The following DOCK2 variants were observed in gnomAD, a reference collection of about 807,000 sequenced individuals.
DOCK2 encodes the protein dedicator of cytokinesis protein 2.
A neutral mutation model predicts 248.9 loss-of-function variants in DOCK2; 87 were observed. The ratio of observed to expected loss-of-function variants is 0.35; its 90% confidence interval spans 0.29 to 0.42. The LOEUF (loss-of-function observed/expected upper bound fraction) is 0.42, where lower values mean the gene tolerates loss of function less well. DOCK2 is among the 10% of genes least tolerant of loss of function. The probability of loss-of-function intolerance (pLI) is 1.00; values close to 1 mark genes in which losing one functional copy is unlikely to be tolerated. For missense variants in DOCK2, 1,747 were observed against 2,300.2 expected (o/e 0.76, Z 4.92); for synonymous variants, 805 against 821.6 (o/e 0.98, Z 0.35).
At chr5:169,651,833 G>A (rs539987210) in intron 1 of DOCK2, among the ~76,000 whole-genome samples, 1 of 152,330 alleles carries the variant, frequency 6.6e-6, no homozygotes, top group South Asian at 2.1e-4. Flanking sequence ...CTCTAGATTT[G>A]CTTTTGGACA....
intron 36 of DOCK2, among the ~76,000 whole-genome samples, chr5:170,038,723 T>C (rs1756406171): frequency 6.6e-6 from 1 of 152,184 alleles, no homozygotes; most frequent in Non-Finnish European, 1.5e-5. Flanking sequence ...GAGGGACGTC[T>C]TCTTTTTACT....
intron 22 of DOCK2, among the ~76,000 whole-genome samples, chr5:169,731,437 C>T (rs1307761175): frequency 1.3e-5 from 2 of 152,148 alleles, no homozygotes; most frequent in Admixed American, 6.5e-5. Flanking sequence ...CCGTGTAAAA[C>T]GTGAGTTGCT....
chr5:169,850,638 G>C (rs1397396847), intron 27 of DOCK2, among the ~76,000 whole-genome samples: 2 of 152,152 alleles, frequency 1.3e-5, no homozygotes, highest in African/African-American at 4.8e-5. Context: ...AGCTTAATAT[G>C]GTAATATGGA....
At chr5:170,041,222 G>GA (rs562344080) in intron 37 of DOCK2, 77 bp downstream of exon 37, 70 of 1,282,356 alleles carry the variant, frequency 5.5e-5, no homozygotes, top group Middle Eastern at 1.9e-4. Context: ...AGTGAAAAAA[G>GA]AAAAAAAAGA....
intron 27 of DOCK2, among the ~76,000 whole-genome samples, chr5:169,892,892 C>T (rs1466135223): frequency 6.6e-6 from 1 of 151,922 alleles, no homozygotes; most frequent in Non-Finnish European, 1.5e-5. Flanking sequence ...GTCTTCACTC[C>T]TTCTTTTCCC....
At chr5:169,807,226 A>C (rs1316059679) in intron 26 of DOCK2, among the ~76,000 whole-genome samples, 10 of 152,186 alleles carry the variant, frequency 6.6e-5, no homozygotes, top group African/African-American at 2.4e-4. Context: ...ACTGTCAGCC[A>C]GCATGAAGAG....
At chr5:169,974,965 C>T (rs1353081326) in intron 27 of DOCK2, among the ~76,000 whole-genome samples, 1 of 152,000 alleles carries the variant, frequency 6.6e-6, no homozygotes, top group East Asian at 1.9e-4. Flanking sequence ...TCAGGTAGGC[C>T]CCCAGACTTG....
chr5:170,042,166 C>T, intron 38 of DOCK2, 34 bp downstream of exon 38: 1 of 1,573,804 alleles, frequency 6.4e-7, no homozygotes, highest in Non-Finnish European at 8.6e-7. Flanking sequence ...CGTGGGGACC[C>T]TGGCCACTGG....
Position 169,718,639 on chromosome 5 carries a change from ATAT to A in DOCK2, c.2133-14_2133-12del, listed in dbSNP as rs770880501. ...ATGATGAAAGAGATGTATTTTGAAA[ATAT>A]TATCCCTTATTCAGGAAATTGATGA... On this transcript the variant is annotated splice_polypyrimidine_tract_variant and intron_variant, in intron 21 of 51. Transcript: ENST00000520908. 4 of 1,606,070 alleles carry A rather than the reference ATAT, an allele frequency of 2.5e-6. No homozygotes were observed. In the African/African-American group the frequency reaches 4.0e-5, roughly 16 times the overall value.
chr5:170,077,679 A>G lies in DOCK2; in HGVS notation c.4867-31A>G, dbSNP rs775306251. On this transcript the variant is annotated intron_variant, in intron 47 of 51. Coordinates refer to ENST00000520908, the MANE Select transcript of DOCK2 (RefSeq NM_004946.3). Reference sequence around the variant, plus strand: ...GCTGGGGCCACCTTCCCCAGGCTACAGCTGCTAACCACCCTGTTCTCCCAC... The same window carrying G: ...GCTGGGGCCACCTTCCCCAGGCTACGGCTGCTAACCACCCTGTTCTCCCAC... 8 of 1,611,838 alleles carry G rather than the reference A, an allele frequency of 5.0e-6. No homozygotes were observed. In the African/African-American group the frequency reaches 9.3e-5, roughly 19 times the overall value.
intron 36 of DOCK2, among the ~76,000 whole-genome samples, chr5:170,039,455 T>G (rs1203816475): frequency 6.6e-6 from 1 of 152,242 alleles, no homozygotes; most frequent in Non-Finnish European, 1.5e-5. Flanking sequence ...TGCCTGCGTT[T>G]GTCACTGTTT....
chr5:170,054,796 G>T (rs767492989), intron 41 of DOCK2, among the ~76,000 whole-genome samples: 13 of 152,192 alleles, frequency 8.5e-5, no homozygotes, highest in Non-Finnish European at 1.6e-4. Context: ...TGAGTAGTGA[G>T]TCCAGAGTGA....
At chr5:170,071,110 C>T (rs1266405415) in intron 46 of DOCK2, among the ~76,000 whole-genome samples, 1 of 152,186 alleles carries the variant, frequency 6.6e-6, no homozygotes, top group African/African-American at 2.4e-5. Context: ...CGCCCAGGCA[C>T]CCTAACTATG....
chr5:169,983,868 A>G (rs1334082697), intron 28 of DOCK2, among the ~76,000 whole-genome samples: 1 of 152,194 alleles, frequency 6.6e-6, no homozygotes, highest in Non-Finnish European at 1.5e-5. Flanking sequence ...AATCATTAGA[A>G]AACTAATGCC....
At chr5:170,000,949 A>G (rs1394929701) in intron 30 of DOCK2, among the ~76,000 whole-genome samples, 1 of 152,204 alleles carries the variant, frequency 6.6e-6, no homozygotes, top group Non-Finnish European at 1.5e-5. Flanking sequence ...AGACACATAC[A>G]GAGGGAGCAG....
Position 169,684,244 on chromosome 5 carries a change from C to T in DOCK2, c.655C>T (p.Pro219Ser), listed in dbSNP as rs777237537. The change falls in exon 8 of 52, where the codon CCC (proline) becomes TCC (serine). Residue 219 changes from proline to serine, a missense_variant. By Grantham distance (74) the Pro-to-Ser change is moderately conservative. Coordinates refer to ENST00000520908, the MANE Select transcript of DOCK2 (RefSeq NM_004946.3). Reference sequence around the variant, plus strand: ...AATGTATTCCCGGATCTCCTCATCCCCCACCCATAGCCTCTATGTGTTTGT... The same window carrying T: ...AATGTATTCCCGGATCTCCTCATCCTCCACCCATAGCCTCTATGTGTTTGT... ...YAMYSRISSS[P>S]THSLYVFVRN... The T allele has an allele frequency of 3.7e-6, 6 of 1,614,034 alleles. No homozygotes were observed. Among genetic ancestry groups the T allele is most frequent in the South Asian group, 3.3e-5 (3 of 91,076 alleles).
intron 26 of DOCK2, among the ~76,000 whole-genome samples, chr5:169,813,865 G>C (rs533797302): frequency 4.6e-5 from 7 of 152,320 alleles, no homozygotes; most frequent in African/African-American, 1.7e-4. Flanking sequence ...GGGTACCATG[G>C]ATTTGCTATG....
intron 27 of DOCK2, among the ~76,000 whole-genome samples, chr5:169,933,450 T>C (rs1561835306): frequency 1.3e-5 from 2 of 152,246 alleles, no homozygotes; most frequent in South Asian, 2.1e-4. Flanking sequence ...GAGCTCTTTC[T>C]GGTAAATCAG....
rs1056161413 is a variant in DOCK2, at chr5:169,980,938, G to A, written c.2800-2130G>A. On this transcript the variant is annotated intron_variant, in intron 27 of 51. Transcript: ENST00000520908. ...TGAGAGTCCCAGCTTTGTGATCTCC[G>A]CCGGATTTGCATGTTTTCTAGTCAT... 1.1e-4 allele frequency among the ~76,000 whole-genome samples: 17 copies of A among 152,220 alleles called. No individual in the cohort carries two copies. The East Asian group carries it at 1.2e-3, about 10-fold the overall frequency.
Sources: gnomAD v4.1 joint callset for allele counts (sites outside exome capture counted in the v4.1 genomes callset) on GRCh38, gnomAD v4.1.1 for gene constraint, MANE v1.5 for transcripts, NCBI Gene and HGNC (gene_info 2026-07-23, HGNC 2026-07-21) for gene names.